CDH19: variants seen among roughly 807,000 people sequenced by gnomAD.
CDH19 encodes the protein cadherin 19, also known as cadherin-19.
A neutral mutation model predicts 64.2 loss-of-function variants in CDH19; 67 were observed. The observed-to-expected ratio is 1.04, with a 90% CI of 0.86 to 1.28. CDH19 has a LOEUF of 1.28. Among genes scored for constraint, CDH19 ranks in the 50% most tolerant of loss-of-function variants. CDH19 has a pLI of 0.00. For synonymous variants in CDH19, 346 were observed against 319.3 expected (o/e 1.08, Z -0.89); for missense variants, 1,030 against 929.0 (o/e 1.11, Z -1.41).
At chr18:66,567,296 G>A (rs1987945315) in intron 3 of CDH19, among the ~76,000 whole-genome samples, 2 of 151,630 alleles carry the variant, frequency 1.3e-5, no homozygotes, top group South Asian at 4.1e-4. Context: ...AGGGAGGAAG[G>A]AGGAAGAGAG....
Position 66,503,581 on chromosome 18 carries a change from A to T in CDH19, c.*1231T>A, listed in dbSNP as rs1985039168. On this transcript the variant is annotated 3_prime_UTR_variant, in exon 12 of 12. Transcript: ENST00000262150. The stretch of plus-strand genomic sequence containing the variant: ...TCCACACTTTCCACCAGTTTCATAA[A>T]GTTTGCATTTAATTATGAGTAAATA... The T allele has an allele frequency of 6.6e-6, 1 of 151,828 alleles. No homozygotes were observed. 9.4% of individuals were successfully genotyped at this position (151,828 alleles called of 1,614,324 possible).
intron 4 of CDH19, among the ~76,000 whole-genome samples, chr18:66,552,679 T>C (rs1987387741): frequency 7.4e-6 from 1 of 134,790 alleles, no homozygotes; most frequent in Non-Finnish European, 1.5e-5. Flanking sequence ...ACTTCAGAAC[T>C]TATGCTTTCA....
intron 7 of CDH19, among the ~76,000 whole-genome samples, chr18:66,543,515 G>C (rs890256427): frequency 6.6e-6 from 1 of 152,076 alleles, no homozygotes; most frequent in Admixed American, 6.5e-5. Flanking sequence ...CCGACACTGA[G>C]GTTCCCTATT....
chr18:66,596,679 T>C (rs776232303), intron 1 of CDH19, among the ~76,000 whole-genome samples: 2 of 152,072 alleles, frequency 1.3e-5, no homozygotes, highest in Non-Finnish European at 2.9e-5. Context: ...CATTCCATGC[T>C]CATGGATAGG....
chr18:66,543,316 C>T (rs1986966475), intron 7 of CDH19, among the ~76,000 whole-genome samples: 1 of 152,032 alleles, frequency 6.6e-6, no homozygotes, highest in South Asian at 2.1e-4. Context: ...CGTGAGCCAC[C>T]GCGCGCTGCC....
At chr18:66,585,028 G>A (rs1315388154) in intron 1 of CDH19, among the ~76,000 whole-genome samples, 3 of 151,898 alleles carry the variant, frequency 2.0e-5, no homozygotes, top group African/African-American at 4.8e-5. Flanking sequence ...CTGGGAGGAG[G>A]TACATAAAAT....
intron 5 of CDH19, 142 bp from the exon 6 acceptor site, chr18:66,545,045 C>T: frequency 1.8e-6 from 1 of 559,592 alleles, no homozygotes; most frequent in East Asian, 3.2e-5. Context: ...GTGGTGTGAT[C>T]TCGGTTCACT....
intron 3 of CDH19, among the ~76,000 whole-genome samples, chr18:66,561,853 T>A (rs770118735): frequency 1.3e-5 from 2 of 152,104 alleles, no homozygotes; most frequent in Admixed American, 1.3e-4. Context: ...GGTTCCATTA[T>A]TGTGTGGACA....
At chr18:66,506,940 A>G (rs1029181937) in intron 11 of CDH19, among the ~76,000 whole-genome samples, 4 of 151,962 alleles carry the variant, frequency 2.6e-5, no homozygotes, top group Admixed American at 2.6e-4. Flanking sequence ...GTTGAAATAG[A>G]AAGGAGTCTA....
chr18:66,596,700 A>C (rs2144640467), intron 1 of CDH19, among the ~76,000 whole-genome samples: 1 of 152,304 alleles, frequency 6.6e-6, no homozygotes, highest in Admixed American at 6.5e-5. Context: ...ATTAATCAAT[A>C]TTGTTAAAAT....
At position 66,544,165 on chromosome 18, in the gene CDH19, A is replaced by C. The variant is rs1598999282; in HGVS notation, c.1020T>G (p.His340Gln). The C allele has an allele frequency of 6.2e-7, 1 of 1,613,898 alleles. No homozygotes were observed. Among genetic ancestry groups the C allele is most frequent in the East Asian group, 2.2e-5 (1 of 44,860 alleles). ...GGTACTTCATGAGCTGCTCAGGAAC[A>C]TGATGGTTTTTAACTTTTGCTCTAA... ...YGIRAKVKNH[H>Q]VPEQLMKYHT... is the part of the protein sequence containing the mutation. Residue 340 changes from histidine to glutamine, a missense_variant, in exon 7 of 12, where the codon CAT becomes CAG. By Grantham distance (24) the His-to-Gln change is conservative (BLOSUM62 0). Coordinates refer to ENST00000262150, the MANE Select transcript of CDH19 (RefSeq NM_021153.4).
chr18:66,581,125 T>C (rs568523001), intron 1 of CDH19, among the ~76,000 whole-genome samples: 66 of 152,264 alleles, frequency 4.3e-4, no homozygotes, highest in African/African-American at 1.5e-3. Context: ...TATGAAGAAA[T>C]GCTAATACTA....
intron 1 of CDH19, among the ~76,000 whole-genome samples, chr18:66,582,034 A>G (rs931847827): frequency 1.3e-5 from 2 of 152,132 alleles, no homozygotes; most frequent in Non-Finnish European, 2.9e-5. Flanking sequence ...TATACACTGT[A>G]CTTTATTGAA....
intron 9 of CDH19, among the ~76,000 whole-genome samples, chr18:66,524,178 T>C (rs1186831900): frequency 1.3e-5 from 2 of 152,168 alleles, no homozygotes; most frequent in African/African-American, 4.8e-5. Context: ...CTTATTTTTT[T>C]CTTTATTTTT....
At chr18:66,600,965 A>T (rs954103610) in intron 1 of CDH19, among the ~76,000 whole-genome samples, 2 of 151,890 alleles carry the variant, frequency 1.3e-5, no homozygotes, top group Admixed American at 6.6e-5. Flanking sequence ...TTTATTTCTC[A>T]TCAAATACTA....
At chr18:66,535,766 T>C (rs1166799433) in intron 7 of CDH19, among the ~76,000 whole-genome samples, 2 of 146,928 alleles carry the variant, frequency 1.4e-5, no homozygotes, top group South Asian at 2.1e-4. Flanking sequence ...ATAGAAAATA[T>C]GTAATACATA....
At chr18:66,541,233 A>G (rs1362850765) in intron 7 of CDH19, among the ~76,000 whole-genome samples, 1 of 152,162 alleles carries the variant, frequency 6.6e-6, no homozygotes, top group Non-Finnish European at 1.5e-5. Flanking sequence ...CTTACTTAGT[A>G]GGAAAAACTA....
intron 9 of CDH19, among the ~76,000 whole-genome samples, chr18:66,521,930 G>GT (rs1986008615): frequency 6.7e-6 from 1 of 148,708 alleles, no homozygotes; most frequent in Non-Finnish European, 1.5e-5. Context: ...TGTTGTTGTT[G>GT]TTGTTGTTGT....
At chr18:66,537,463 G>T (rs1433964452) in intron 7 of CDH19, among the ~76,000 whole-genome samples, 2 of 151,902 alleles carry the variant, frequency 1.3e-5, no homozygotes, top group African/African-American at 4.8e-5. Flanking sequence ...CTCATGAATG[G>T]TGATATTAAC....
Sources: gnomAD v4.1 joint callset for allele counts (sites outside exome capture counted in the v4.1 genomes callset) on GRCh38, gnomAD v4.1.1 for gene constraint, MANE v1.5 for transcripts, NCBI Gene and HGNC (gene_info 2026-07-23, HGNC 2026-07-21) for gene names.